The following DIAPH2 variants were observed in gnomAD, a reference collection of about 807,000 sequenced individuals.
DIAPH2 encodes the protein diaphanous related formin 2.
Under a neutral mutation model 92.7 loss-of-function variants are expected in DIAPH2, and 35 were observed. The ratio of observed to expected loss-of-function variants is 0.38; its 90% CI spans 0.29 to 0.50. The LOEUF (loss-of-function observed/expected upper bound fraction) is 0.50, where lower values mean the gene tolerates loss of function less well. Ranked by LOEUF, DIAPH2 falls within the 20% of genes least tolerant of loss-of-function variation. DIAPH2 has a pLI of 0.94. For synonymous variants in DIAPH2, 301 were observed against 280.4 expected (o/e 1.07, Z -0.73); for missense variants, 701 against 819.5 (o/e 0.86, Z 1.77).
At chrX:97,035,032 A>G (rs920792756) in intron 17 of DIAPH2, among the ~76,000 whole-genome samples, 1 of 112,093 alleles carries the variant, frequency 8.9e-6, no homozygotes, top group Non-Finnish European at 1.9e-5. Context: ...ACACTACCAC[A>G]GCTTTGCTTG....
intron 17 of DIAPH2, among the ~76,000 whole-genome samples, chrX:97,008,777 C>G (rs1349613053): frequency 9.0e-6 from 1 of 111,534 alleles, no homozygotes; most frequent in Non-Finnish European, 1.9e-5. Context: ...GTCTCCTAAA[C>G]AGTCTCTATT....
intron 23 of DIAPH2, among the ~76,000 whole-genome samples, chrX:97,307,597 T>A (rs1306162228): frequency 9.0e-6 from 1 of 111,547 alleles, no homozygotes; most frequent in East Asian, 2.8e-4. Flanking sequence ...ACAAATTTCA[T>A]TAGCACATAC....
In DIAPH2 at chrX:97,600,851, C is replaced by CG. The variant is rs2071590105; in HGVS notation, c.*1534_*1535insG. 11 of 112,267 alleles carry CG rather than the reference C, an allele frequency of 9.8e-5. No homozygotes were observed. In the South Asian group the frequency reaches 4.1e-3, roughly 41 times the overall value. 9.3% of individuals were successfully genotyped at this position (112,267 alleles called of 1,213,427 possible). A position where few individuals can be genotyped will look rare whatever the true frequency, so the allele number is the denominator to read the frequency against. ...TGAGATAAAGTAAACAAGTGACCAG[C>CG]AGCCCACAGATGATTCCTTTATATA... On this transcript the variant is annotated 3_prime_UTR_variant, in exon 27 of 27. Coordinates refer to ENST00000324765, the MANE Select transcript of DIAPH2 (RefSeq NM_006729.5).
rs200489708 is a variant in DIAPH2, at chrX:97,047,464, A to AAT, written c.2051-25463_2051-25462dup. ...ATCTATAAATTCATGTTTTAAAATA[A>AAT]ATATATATATATATAATTATAATCT... On this transcript the variant is annotated intron_variant, in intron 17 of 26. Transcript: ENST00000324765. Among the ~76,000 whole-genome samples, 405 of 104,477 alleles carry AAT rather than the reference A, an allele frequency of 3.9e-3. 2 individuals are homozygous for AAT. The highest frequency in any genetic ancestry group is 0.013 in the African/African-American group (355 of 28,289). The allele number at this position is 104,477 out of a possible 115,157, so 90.7% of individuals were successfully genotyped here.
At chrX:96,765,917 T>C (rs945183393) in intron 4 of DIAPH2, among the ~76,000 whole-genome samples, 11 of 111,402 alleles carry the variant, frequency 9.9e-5, no homozygotes, top group Middle Eastern at 4.6e-3. Flanking sequence ...GCCGTTTTCT[T>C]CTTTAGTGTG....
Position 96,852,876 on chromosome X carries a change from C to G in DIAPH2, c.448-28703C>G, listed in dbSNP as rs144005867. On this transcript the variant is annotated intron_variant, in intron 4 of 26. Coordinates refer to ENST00000324765, the MANE Select transcript of DIAPH2 (RefSeq NM_006729.5). ...CCCTGTTGTCAAAGAAATGCCTTAG[C>G]AAATGGAAGATATAAATAATACCTT... is the stretch of plus-strand genomic sequence containing the variant. Among the ~76,000 whole-genome samples, 3 of 111,825 alleles carry G rather than the reference C, an allele frequency of 2.7e-5. No individual in the cohort carries two copies. In the East Asian group the frequency reaches 8.4e-4, roughly 31 times the overall value.
intron 4 of DIAPH2, among the ~76,000 whole-genome samples, chrX:96,771,880 AT>A (rs1374951808): frequency 9.0e-6 from 1 of 110,714 alleles, no homozygotes; most frequent in Non-Finnish European, 1.9e-5. Context: ...CTACAAAAAA[AT>A]AAAACAATTA....
At chrX:97,121,953 A>G (rs959529443) in intron 21 of DIAPH2, among the ~76,000 whole-genome samples, 10 of 111,781 alleles carry the variant, frequency 8.9e-5, no homozygotes, top group Non-Finnish European at 5.6e-5. Flanking sequence ...GCAAATTAGA[A>G]AACTAAAGCC....
intron 14 of DIAPH2, among the ~76,000 whole-genome samples, chrX:96,947,545 C>T (rs890227060): frequency 1.8e-5 from 2 of 110,787 alleles, no homozygotes; most frequent in Admixed American, 9.6e-5. Context: ...GGGACATTTT[C>T]CCGGGATTCA....
chrX:96,914,385 G>A (rs750627477), intron 7 of DIAPH2, among the ~76,000 whole-genome samples: 4 of 111,001 alleles, frequency 3.6e-5, no homozygotes, highest in Admixed American at 9.6e-5. Flanking sequence ...GATCTCTTTC[G>A]TCAATTGAGG....
At chrX:97,479,716 G>A (rs1463517293) in intron 26 of DIAPH2, among the ~76,000 whole-genome samples, 3 of 111,056 alleles carry the variant, frequency 2.7e-5, no homozygotes, top group African/African-American at 9.8e-5. Context: ...GAAACCTCAA[G>A]GCTGTAAACT....
intron 19 of DIAPH2, among the ~76,000 whole-genome samples, chrX:97,085,218 A>G (rs749254691): frequency 8.9e-6 from 1 of 112,100 alleles, no homozygotes; most frequent in East Asian, 2.8e-4. Flanking sequence ...ATAGCTATAT[A>G]AAATTATCAA....
intron 4 of DIAPH2, among the ~76,000 whole-genome samples, chrX:96,802,159 A>G (rs1230134564): frequency 1.8e-5 from 2 of 111,790 alleles, no homozygotes; most frequent in African/African-American, 3.2e-5. Flanking sequence ...CTTTCACCCA[A>G]TCCCATGTTT....
intron 1 of DIAPH2, among the ~76,000 whole-genome samples, chrX:96,685,406 C>T (rs751778080): frequency 8.9e-6 from 1 of 112,203 alleles, no homozygotes; most frequent in Non-Finnish European, 1.9e-5. Flanking sequence ...CTTTCTCACT[C>T]TTGTCAGCCC....
chrX:96,913,641 A>G (rs1434769166), intron 7 of DIAPH2, among the ~76,000 whole-genome samples: 1 of 111,236 alleles, frequency 9.0e-6, no homozygotes, highest in Non-Finnish European at 1.9e-5. Flanking sequence ...AATTATAGGG[A>G]TGGGTTGACT....
intron 26 of DIAPH2, among the ~76,000 whole-genome samples, chrX:97,447,802 G>A (rs113452768): frequency 7.9e-4 from 88 of 112,093 alleles, no homozygotes; most frequent in Non-Finnish European, 1.0e-3. Flanking sequence ...TTTGACTTGC[G>A]TGTGGGGCAG....
chrX:97,164,134 C>T (rs890619090), intron 22 of DIAPH2, among the ~76,000 whole-genome samples: 4 of 112,027 alleles, frequency 3.6e-5, no homozygotes, highest in African/African-American at 1.3e-4. Context: ...TTTAAGGTCA[C>T]TACTGTGTCA....
chrX:97,343,627 C>G (rs1265166973), intron 23 of DIAPH2, among the ~76,000 whole-genome samples: 1 of 109,136 alleles, frequency 9.2e-6, no homozygotes, highest in Non-Finnish European at 1.9e-5. Flanking sequence ...TGAGATCATG[C>G]CACTACACTC....
intron 26 of DIAPH2, among the ~76,000 whole-genome samples, chrX:97,462,848 A>G (rs1454669625): frequency 4.7e-5 from 5 of 105,803 alleles, no homozygotes; most frequent in Non-Finnish European, 5.9e-5. Flanking sequence ...AGAACACTTA[A>G]AAAAAAAAAA....
Sources: gnomAD v4.1 joint callset for allele counts (sites outside exome capture counted in the v4.1 genomes callset) on GRCh38, gnomAD v4.1.1 for gene constraint, MANE v1.5 for transcripts, NCBI Gene and HGNC (gene_info 2026-07-23, HGNC 2026-07-21) for gene names.